The following ITGA11 variants were observed in gnomAD, a reference collection of about 807,000 sequenced individuals.
ITGA11 encodes the protein integrin alpha-11.
Under a neutral mutation model 141.9 loss-of-function variants are expected in ITGA11, and 97 were observed. That is an observed-to-expected ratio of 0.68 (90% CI 0.58 to 0.81). The LOEUF is 0.81. ITGA11 is among the 30% of genes least tolerant of loss of function. ITGA11 has a pLI of 0.00. For synonymous variants in ITGA11, 658 were observed against 624.6 expected (o/e 1.05, Z -0.80); for missense variants, 1,387 against 1,559.2 (o/e 0.89, Z 1.86).
intron 7 of ITGA11, 22 bp from the exon 8 acceptor site, chr15:68,351,424 A>C (rs763777683): frequency 1.2e-6 from 2 of 1,612,284 alleles, no homozygotes; most frequent in Non-Finnish European, 1.7e-6. Context: ...GCACAGGGGC[A>C]GGGTCATGAA....
In ITGA11 at chr15:68,368,053, G is replaced by A. The variant is rs565754973; in HGVS notation, c.265+1131C>T. 6.8e-4 allele frequency among the ~76,000 whole-genome samples: 104 copies of A among 152,334 alleles called. 1 individual carries two copies. The highest frequency in any genetic ancestry group is 6.8e-3 in the Middle Eastern group (2 of 294). On this transcript the variant is annotated intron_variant, in intron 3 of 29. Transcript: ENST00000315757. ...GCAGATGTGGACAGCGGGAGCCTCC[G>A]GGACCATGTGACAGACAGCTGGCTG...
intron 3 of ITGA11, chr15:68,365,267 TCAA>T: frequency 1.0e-6 from 1 of 985,354 alleles, no homozygotes; most frequent in Non-Finnish European, 1.2e-6. Flanking sequence ...ATCTGAACAA[TCAA>T]CATGTGACAG....
At position 68,324,402 on chromosome 15, in the gene ITGA11, C is replaced by T. The variant is rs985243498; in HGVS notation, c.2322+729G>A. 1.3e-5 allele frequency among the ~76,000 whole-genome samples: 2 copies of T among 152,120 alleles called. No homozygotes were observed. The highest frequency in any genetic ancestry group is 4.8e-5 in the African/African-American group (2 of 41,410). ...ACCTCACAGAATGGCTTAAGAGCACCGTGGTGTGCTTAAAAGTTGTTTCCC... is the reference window on the plus strand; with the variant it reads ...ACCTCACAGAATGGCTTAAGAGCACTGTGGTGTGCTTAAAAGTTGTTTCCC... On this transcript the variant is annotated intron_variant, in intron 18 of 29. Transcript: ENST00000315757. The surrounding 1 kb of genome is among the most constrained non-coding windows in gnomAD (Gnocchi z 6.3).
At chr15:68,382,505 A>G (rs1221440535) in intron 2 of ITGA11, among the ~76,000 whole-genome samples, 1 of 152,228 alleles carries the variant, frequency 6.6e-6, no homozygotes, top group African/African-American at 2.4e-5. Flanking sequence ...GGCTTCCCCA[A>G]GATTTACCTT....
At chr15:68,396,946 A>T (rs11858232) in intron 2 of ITGA11, among the ~76,000 whole-genome samples, 130 of 5,646 alleles carry the variant, frequency 0.023, 4 homozygotes, top group East Asian at 0.33. Flanking sequence ...AATATATTAT[A>T]TATTATTTAT....
At chr15:68,343,999 C>T (rs926936251) in intron 10 of ITGA11, among the ~76,000 whole-genome samples, 6 of 152,190 alleles carry the variant, frequency 3.9e-5, no homozygotes, top group Non-Finnish European at 8.8e-5. Context: ...GGGCGTGCTA[C>T]ACTGACTGCT....
Position 68,313,847 on chromosome 15 carries a change from G to A in ITGA11, c.2814C>T (p.Ser938=), listed in dbSNP as rs377460164. Residue 938 remains serine (S), a synonymous_variant, in exon 23 of 30, where the codon AGC becomes AGT. Transcript: ENST00000315757. ...AAGSDSNERD[S]TKEDNVAPLR... ...AGGGGGCCACGTTGTCTTCCTTGGT[G>A]CTGTCCCGCTCATTACTGTCACTGC... The A allele has an allele frequency of 1.9e-6, 3 of 1,613,956 alleles. No individual in the cohort carries two copies. Among genetic ancestry groups the A allele is most frequent in the Non-Finnish European group, 2.5e-6 (3 of 1,179,816 alleles).
chr15:68,387,822 C>T (rs760242785), intron 2 of ITGA11, among the ~76,000 whole-genome samples: 1 of 152,120 alleles, frequency 6.6e-6, no homozygotes, highest in African/African-American at 2.4e-5. Context: ...TCACAATCCT[C>T]TCCTCTTCTG....
Position 68,304,953 on chromosome 15 carries a change from C to T in ITGA11, c.3382-1068G>A, listed in dbSNP as rs530532748. Among the ~76,000 whole-genome samples, 1 of 152,388 alleles carries T rather than the reference C, an allele frequency of 6.6e-6. No individual in the cohort carries two copies. Among genetic ancestry groups the T allele is most frequent in the South Asian group, 2.1e-4 (1 of 4,832 alleles). On this transcript the variant is annotated intron_variant, in intron 28 of 29. Transcript: ENST00000315757. This position sits in a 1 kb window ranked among gnomAD's most constrained non-coding sequence, Gnocchi z 6.1. ...CTACAGCGCTGCCCGACTGCCTCCC[C>T]TCTGCAGTTTGTTCTTAGCATAGCA...
In ITGA11 at chr15:68,350,228, C is replaced by T. The variant is rs1048241265; in HGVS notation, c.1060+389G>A. On this transcript the variant is annotated intron_variant, in intron 9 of 29. Coordinates refer to ENST00000315757, the MANE Select transcript of ITGA11 (RefSeq NM_001004439.2). ...GGGACAGGGTCTGGCTCTGTTGCCC[C>T]GGCTGGAGTGCAGTGGCATGATATC... 8.5e-5 allele frequency among the ~76,000 whole-genome samples: 13 copies of T among 152,104 alleles called. No individual in the cohort carries two copies. In the East Asian group the frequency reaches 1.3e-3, roughly 16 times the overall value.
intron 1 of ITGA11, among the ~76,000 whole-genome samples, chr15:68,404,628 T>G (rs929450599): frequency 5.9e-5 from 9 of 151,864 alleles, no homozygotes; most frequent in South Asian, 2.1e-4. Flanking sequence ...ACCAGAGAGG[T>G]TAAGAGGATT....
rs1895138904 is a variant in ITGA11, at chr15:68,358,474, C to G, written c.584G>C (p.Gly195Ala). ...LINILKKFYI[G>A]PGQIQVGVVQ... ...GATGCTCACCTGGATCTGCCCTGGG[C>G]CAATGTAAAACTTTTTCAGGATGTT... is the stretch of plus-strand genomic sequence containing the variant. The change falls in exon 6 of 30, where the codon GGC becomes GCC. Residue 195 changes from glycine (G) to alanine (A), a missense_variant. Transcript: ENST00000315757. 1.2e-6 allele frequency: 2 copies of G among 1,611,342 alleles called. No individual in the cohort carries two copies. Among genetic ancestry groups the G allele is most frequent in the African/African-American group, 1.3e-5 (1 of 74,900 alleles).
chr15:68,362,660 A>C (rs1180976127), intron 4 of ITGA11, among the ~76,000 whole-genome samples: 2 of 152,010 alleles, frequency 1.3e-5, no homozygotes, highest in Non-Finnish European at 2.9e-5. Flanking sequence ...GAATGGATGG[A>C]TGGATAAATG....
intron 3 of ITGA11, chr15:68,365,429 G>A (rs1895387690): frequency 1.5e-6 from 1 of 681,698 alleles, no homozygotes; most frequent in South Asian, 6.5e-5. Context: ...TAGGGAGAGG[G>A]TCAGCTCTGC....
intron 8 of ITGA11, 141 bp from the exon 9 acceptor site, chr15:68,350,923 G>A: frequency 1.2e-6 from 1 of 824,718 alleles, no homozygotes; most frequent in Non-Finnish European, 1.9e-6. Flanking sequence ...AATGCCATTT[G>A]CATTTGGAAT....
chr15:68,326,677 C>A lies in ITGA11; in HGVS notation c.2188G>T (p.Glu730Ter). The A allele has an allele frequency of 6.3e-7, 1 of 1,591,356 alleles. No individual in the cohort carries two copies. Among genetic ancestry groups the A allele is most frequent in the Non-Finnish European group, 8.6e-7 (1 of 1,169,228 alleles). ...VLLSSGQELC[E>*]RINFHVLDTA... ...ACCAGGACATGGAAGTTGATCCGCT[C>A]ACAGAGCTCCTGGCCGGAGGAGAGC... Residue 730 changes from glutamate (E) to a stop codon, truncating the protein, a stop_gained, in exon 17 of 30, where the codon GAG (glutamate) becomes TAG (stop). Coordinates refer to ENST00000315757, the MANE Select transcript of ITGA11 (RefSeq NM_001004439.2). LOFTEE classifies it high-confidence loss of function. The surrounding 1 kb of genome is among the most constrained non-coding windows in gnomAD (Gnocchi z 6.8).
chr15:68,423,828 C>T (rs1897076641), intron 1 of ITGA11, among the ~76,000 whole-genome samples: 1 of 152,068 alleles, frequency 6.6e-6, no homozygotes, highest in African/African-American at 2.4e-5. Flanking sequence ...AGTATTCCTT[C>T]CTCACCCAGC....
Position 68,362,657 on chromosome 15 carries a change from T to G in ITGA11, c.358-953A>C, listed in dbSNP as rs137995150. On this transcript the variant is annotated intron_variant, in intron 4 of 29. Transcript: ENST00000315757. ...GATGTATAGATGGATGATGAATGGA[T>G]GGATGGATAAATGGATGGAAGATGG... Among the ~76,000 whole-genome samples, 4 of 152,020 alleles carry G rather than the reference T, an allele frequency of 2.6e-5. No homozygotes were observed. The East Asian group carries it at 7.8e-4, about 30-fold the overall frequency.
At chr15:68,317,419 C>G in intron 20 of ITGA11, 56 bp from the exon 21 acceptor site, 1 of 1,226,990 alleles carries the variant, frequency 8.2e-7, no homozygotes, top group South Asian at 1.2e-5. Context: ...GGGACCAGGT[C>G]TCGAGGCTCC....
Sources: gnomAD v4.1 joint callset for allele counts (sites outside exome capture counted in the v4.1 genomes callset) on GRCh38, gnomAD v4.1.1 for gene constraint, Gnocchi (gnomAD v3.1) non-coding constraint, MANE v1.5 for transcripts, NCBI Gene and HGNC (gene_info 2026-07-23, HGNC 2026-07-21) for gene names.